Variants in GAS7 observed in about 807,000 individuals in gnomAD.
The protein encoded by GAS7 is growth arrest specific 7, also known as growth arrest-specific protein 7.
A neutral mutation model predicts 71.1 loss-of-function variants in GAS7; 28 were observed. The ratio of observed to expected loss-of-function variants is 0.39; its 90% confidence interval spans 0.29 to 0.54. The LOEUF is 0.54. Ranked by LOEUF, GAS7 falls within the 20% of genes least tolerant of loss-of-function variation. The pLI is 0.62. For synonymous variants in GAS7, 258 were observed against 245.8 expected (o/e 1.05, Z -0.46); for missense variants, 436 against 627.8 (o/e 0.69, Z 3.27).
chr17:10,029,233 C>T (rs923788658), intron 1 of GAS7, among the ~76,000 whole-genome samples: 3 of 152,198 alleles, frequency 2.0e-5, no homozygotes, highest in African/African-American at 7.2e-5. Flanking sequence ...GGGGAAAATA[C>T]CACGACCTTC....
At chr17:10,060,243 C>A (rs2073204827) in intron 1 of GAS7, among the ~76,000 whole-genome samples, 1 of 152,218 alleles carries the variant, frequency 6.6e-6, no homozygotes. Context: ...CACTGCCTGC[C>A]ATAACGAAGA....
rs760159569 is a variant in GAS7 at position 9,992,107 on chromosome 17, G to A, written c.305-10223C>T. On this transcript the variant is annotated intron_variant, in intron 2 of 13. Transcript: ENST00000432992. ...CGATCTCAGTGACTAACCACATGTC[G>A]GGAAAACTAGTATAGTCCATAGCAG... Among the ~76,000 whole-genome samples the A allele has an allele frequency of 6.2e-4, 95 of 152,228 alleles. 1 individual carries two copies. The highest frequency in any genetic ancestry group is 8.5e-4 in the Admixed American group (13 of 15,284).
chr17:10,148,910 A>C (rs1228587065), intron 1 of GAS7, among the ~76,000 whole-genome samples: 1 of 15,826 alleles, frequency 6.3e-5, no homozygotes, highest in Non-Finnish European at 1.1e-4. Context: ...ACTCCGCCTC[A>C]AAAAAAAAAA....
At chr17:10,028,459 A>T (rs1454094563) in intron 1 of GAS7, among the ~76,000 whole-genome samples, 1 of 152,204 alleles carries the variant, frequency 6.6e-6, no homozygotes, top group Non-Finnish European at 1.5e-5. Context: ...GAGGCAAGAT[A>T]ATATGTATTG....
chr17:10,049,609 CTTTTTTTTTTTTTT>C (rs1168627510), intron 1 of GAS7, among the ~76,000 whole-genome samples: 122 of 70,396 alleles, frequency 1.7e-3, no homozygotes, highest in Middle Eastern at 0.013. Flanking sequence ...GAAATTACTT[CTTTTTTTTTTTTTT>C]TTTTTTTTTT....
chr17:10,057,677 C>T (rs931511634), intron 1 of GAS7, among the ~76,000 whole-genome samples: 4 of 151,312 alleles, frequency 2.6e-5, no homozygotes, highest in African/African-American at 9.8e-5. Flanking sequence ...AGGTGGGGGG[C>T]GCCTCTGCCT....
At chr17:10,110,760 C>T (rs1336664814) in intron 1 of GAS7, among the ~76,000 whole-genome samples, 1 of 152,202 alleles carries the variant, frequency 6.6e-6, no homozygotes, top group East Asian at 1.9e-4. Context: ...GCATGAGCCA[C>T]TGCGCCCAGC....
chr17:10,142,736 T>C (rs901799371), intron 1 of GAS7, among the ~76,000 whole-genome samples: 2 of 152,150 alleles, frequency 1.3e-5, no homozygotes, highest in African/African-American at 4.8e-5. Context: ...GATTCTGAGG[T>C]ATCCCCAATA....
intron 1 of GAS7, among the ~76,000 whole-genome samples, chr17:10,079,044 C>T (rs1305850499): frequency 6.6e-6 from 1 of 152,142 alleles, no homozygotes; most frequent in Non-Finnish European, 1.5e-5. Flanking sequence ...GACAACTGTT[C>T]AGACTTGAAG....
intron 1 of GAS7, among the ~76,000 whole-genome samples, chr17:10,117,638 G>A (rs914425628): frequency 3.3e-5 from 5 of 152,138 alleles, no homozygotes; most frequent in African/African-American, 9.7e-5. Flanking sequence ...TAGGGCTTCC[G>A]CGTCTTCACT....
intron 1 of GAS7, among the ~76,000 whole-genome samples, chr17:10,111,288 A>ACG (rs2073809353): frequency 8.7e-6 from 1 of 115,566 alleles, no homozygotes; most frequent in South Asian, 3.4e-4. Flanking sequence ...TAATCCCACA[A>ACG]CTTTGGGAGG....
Position 10,019,901 on chromosome 17 carries a change from T to A in GAS7, c.184-4A>T, listed in dbSNP as rs978650823. ...GAGGGGGGACCATTCCAGGCTTCTG[T>A]TGGAGAAGAAAGAAAAGGTCACACC... On this transcript the variant is annotated splice_region_variant and splice_polypyrimidine_tract_variant and intron_variant, in intron 1 of 13. Coordinates refer to ENST00000432992, the MANE Select transcript of GAS7 (RefSeq NM_201433.2). The A allele has an allele frequency of 3.1e-6, 5 of 1,612,912 alleles. No homozygotes were observed. The highest frequency in any genetic ancestry group is 4.2e-6 in the Non-Finnish European group (5 of 1,179,820).
At chr17:10,019,926 C>T (rs1352211441) in intron 1 of GAS7, 29 bp from the exon 2 acceptor site, 21 of 1,606,938 alleles carry the variant, frequency 1.3e-5, no homozygotes, top group Middle Eastern at 1.7e-4. Flanking sequence ...AAGGTCACAC[C>T]CATTTGGCAT....
chr17:10,133,290 A>G (rs1258168662), intron 1 of GAS7, among the ~76,000 whole-genome samples: 2 of 151,702 alleles, frequency 1.3e-5, no homozygotes, highest in Non-Finnish European at 2.9e-5. Flanking sequence ...ACCCAGCTAA[A>G]CTTTGTATTT....
chr17:10,175,041 TC>T (rs2074363093), intron 1 of GAS7, among the ~76,000 whole-genome samples: 1 of 152,046 alleles, frequency 6.6e-6, no homozygotes, highest in African/African-American at 2.4e-5. Context: ...GATGGGGGTC[TC>T]ACTATGTTGC....
At chr17:10,149,265 A>G (rs1016172786) in intron 1 of GAS7, among the ~76,000 whole-genome samples, 15 of 152,064 alleles carry the variant, frequency 9.9e-5, no homozygotes, top group African/African-American at 3.6e-4. Context: ...ACCATGCCCA[A>G]CTAATTTTTG....
At chr17:10,087,881 G>T (rs998691920) in intron 1 of GAS7, among the ~76,000 whole-genome samples, 1 of 152,218 alleles carries the variant, frequency 6.6e-6, no homozygotes, top group Admixed American at 6.5e-5. Context: ...GAGCAGAGGA[G>T]TCAGCAGGGG....
At chr17:10,116,862 A>C (rs941018817) in intron 1 of GAS7, among the ~76,000 whole-genome samples, 10 of 151,980 alleles carry the variant, frequency 6.6e-5, no homozygotes, top group Admixed American at 2.6e-4. Flanking sequence ...TCAATGATCC[A>C]GTTTTGCTGG....
intron 1 of GAS7, among the ~76,000 whole-genome samples, chr17:10,115,037 G>A (rs1212654297): frequency 6.6e-6 from 1 of 151,672 alleles, no homozygotes; most frequent in Admixed American, 6.6e-5. Flanking sequence ...CTGTCTGTCT[G>A]GCTGGCTGGC....
Sources: gnomAD v4.1 joint callset for allele counts (sites outside exome capture counted in the v4.1 genomes callset) on GRCh38, gnomAD v4.1.1 for gene constraint, MANE v1.5 for transcripts, NCBI Gene and HGNC (gene_info 2026-07-23, HGNC 2026-07-21) for gene names.